CHRNA9: variants seen among roughly 807,000 people sequenced by gnomAD.
CHRNA9 encodes cholinergic receptor nicotinic alpha 9 subunit.
CHRNA9 carries 24 observed loss-of-function variants against 36.8 expected under a neutral mutation model. That is an observed-to-expected ratio of 0.65 (90% confidence interval 0.47 to 0.92). The LOEUF (loss-of-function observed/expected upper bound fraction) is 0.92, where lower values mean the gene tolerates loss of function less well. Among genes scored for constraint, CHRNA9 ranks in the 40% least tolerant of loss-of-function variants. The pLI, the probability that CHRNA9 is intolerant of heterozygous loss-of-function variation, is 0.00. For synonymous variants in CHRNA9, 231 were observed against 231.8 expected (o/e 1.00, Z 0.03); for missense variants, 610 against 601.2 (o/e 1.01, Z -0.15).
chr4:40,350,722 A>ACACACACACACACC (rs1215274776), intron 4 of CHRNA9, among the ~76,000 whole-genome samples: 17 of 151,478 alleles, frequency 1.1e-4, no homozygotes, highest in African/African-American at 2.9e-4. Context: ...ACACACACAC[A>ACACACACACACACC]CACACCTCTC....
intron 3 of CHRNA9, among the ~76,000 whole-genome samples, chr4:40,341,151 A>G (rs1451272280): frequency 1.3e-5 from 2 of 152,116 alleles, no homozygotes; most frequent in Non-Finnish European, 2.9e-5. Context: ...TAGTATTAGT[A>G]TATGGTTAGT....
chr4:40,349,443 C>T (rs756005064), intron 4 of CHRNA9, 29 bp downstream of exon 4: 2 of 1,593,776 alleles, frequency 1.3e-6, no homozygotes, highest in South Asian at 2.3e-5. Flanking sequence ...CACTTCAAGC[C>T]CAGCTTTGTA....
chr4:40,342,950 A>G (rs1209859348), intron 3 of CHRNA9, among the ~76,000 whole-genome samples: 1 of 152,080 alleles, frequency 6.6e-6, no homozygotes, highest in African/African-American at 2.4e-5. Flanking sequence ...CTTCTTTTTG[A>G]TATGGAAAGG....
intron 3 of CHRNA9, chr4:40,337,955 A>G (rs972714788): frequency 6.6e-6 from 1 of 152,344 alleles, no homozygotes; most frequent in Non-Finnish European, 1.5e-5. Context: ...GCGTGACTTC[A>G]TCTTAACCTA....
At chr4:40,341,299 G>A (rs1175685949) in intron 3 of CHRNA9, among the ~76,000 whole-genome samples, 1 of 124,626 alleles carries the variant, frequency 8.0e-6, no homozygotes, top group East Asian at 2.3e-4. Flanking sequence ...TTTTGGCGGG[G>A]GTGGTGGCGG....
At position 40,343,856 on chromosome 4, in the gene CHRNA9, A is replaced by G. The variant is rs568140702; in HGVS notation, c.366-5026A>G. 4.6e-5 allele frequency among the ~76,000 whole-genome samples: 7 copies of G among 152,340 alleles called. No individual in the cohort carries two copies. The East Asian group carries it at 7.7e-4, about 17-fold the overall frequency. On this transcript the variant is annotated intron_variant, in intron 3 of 4. Coordinates refer to ENST00000310169, the MANE Select transcript of CHRNA9 (RefSeq NM_017581.4). Reference sequence around the variant, plus strand: ...GGCTTTACAAAGTGTGATAGATAGAATAATGCCCCCCTTAAAGATGTCCAC... The same window carrying G: ...GGCTTTACAAAGTGTGATAGATAGAGTAATGCCCCCCTTAAAGATGTCCAC...
rs532277312 is a variant in CHRNA9 at position 40,353,882 on chromosome 4, T to A, written c.899-97T>A. ...AACAGCAAAATCACCTAATGACTAA[T>A]ACCTTTCTCAGAATGTATCCCTGTT... On this transcript the variant is annotated intron_variant, in intron 4 of 4. Coordinates refer to ENST00000310169, the MANE Select transcript of CHRNA9 (RefSeq NM_017581.4). The A allele has an allele frequency of 6.2e-6, 7 of 1,128,902 alleles. No homozygotes were observed. The Admixed American group carries it at 1.4e-4, about 22-fold the overall frequency. 69.9% of individuals were successfully genotyped at this position (1,128,902 alleles called of 1,614,324 possible). A position where few individuals can be genotyped will look rare whatever the true frequency, so the allele number is the denominator to read the frequency against.
chr4:40,348,618 A>G (rs1712701822), intron 3 of CHRNA9, among the ~76,000 whole-genome samples: 1 of 152,224 alleles, frequency 6.6e-6, no homozygotes, highest in African/African-American at 2.4e-5. Flanking sequence ...GGACCAAGAA[A>G]GTGACACTGG....
intron 3 of CHRNA9, among the ~76,000 whole-genome samples, chr4:40,343,329 A>ATGGC (rs1188516386): frequency 3.9e-5 from 6 of 152,336 alleles, no homozygotes; most frequent in Non-Finnish European, 8.8e-5. Context: ...CACAGTTCAC[A>ATGGC]TGGCTGGGGA....
At chr4:40,352,482 C>T (rs1712831536) in intron 4 of CHRNA9, among the ~76,000 whole-genome samples, 1 of 152,210 alleles carries the variant, frequency 6.6e-6, no homozygotes, top group Admixed American at 6.5e-5. Flanking sequence ...ACCTCGGCCT[C>T]CCAAAGTGCT....
chr4:40,354,622 T>C lies in CHRNA9; in HGVS notation c.*102T>C. 1 of 976,848 alleles carries C rather than the reference T, an allele frequency of 1.0e-6. No homozygotes were observed. 60.5% of individuals were successfully genotyped at this position (976,848 alleles called of 1,614,324 possible). ...TTTTGTTCATCTATAATTTAGGGGT[T>C]ATGTTGTCTGTGCTTTTTATTTTTA... is the stretch of plus-strand genomic sequence containing the variant. On this transcript the variant is annotated 3_prime_UTR_variant, in exon 5 of 5. Transcript: ENST00000310169.
chr4:40,344,486 A>T (rs1045369180), intron 3 of CHRNA9, among the ~76,000 whole-genome samples: 1 of 151,878 alleles, frequency 6.6e-6, no homozygotes, highest in African/African-American at 2.4e-5. Flanking sequence ...GTGAGCCAAG[A>T]TGGCACCACT....
intron 2 of CHRNA9, among the ~76,000 whole-genome samples, chr4:40,336,637 C>G (rs985823743): frequency 7.2e-6 from 1 of 139,630 alleles, no homozygotes; most frequent in Non-Finnish European, 1.5e-5. Flanking sequence ...CCACCACACC[C>G]GGCTAATTTT....
At chr4:40,335,559 C>CT (rs780343684) in intron 1 of CHRNA9, 28 bp downstream of exon 1, 1 of 1,547,048 alleles carries the variant, frequency 6.5e-7, no homozygotes, top group South Asian at 1.1e-5. Context: ...CGTAACCTAT[C>CT]TTGTCTCATC....
intron 3 of CHRNA9, among the ~76,000 whole-genome samples, chr4:40,340,935 G>A (rs1177266417): frequency 2.5e-5 from 3 of 121,184 alleles, no homozygotes; most frequent in Non-Finnish European, 4.9e-5. Flanking sequence ...GACAAAACCC[G>A]AGATAATCAG....
At chr4:40,343,562 C>G (rs556180825) in intron 3 of CHRNA9, among the ~76,000 whole-genome samples, 2 of 152,302 alleles carry the variant, frequency 1.3e-5, no homozygotes, top group East Asian at 1.9e-4. Flanking sequence ...AGCTACACTT[C>G]GAGATGAGAT....
intron 4 of CHRNA9, among the ~76,000 whole-genome samples, chr4:40,351,992 T>A (rs1008698772): frequency 6.6e-6 from 1 of 152,220 alleles, no homozygotes; most frequent in African/African-American, 2.4e-5. Context: ...AACTGGACAG[T>A]TTTCCCTCTT....
At chr4:40,337,099 T>G in intron 2 of CHRNA9, 111 bp from the exon 3 acceptor site, 3 of 931,094 alleles carry the variant, frequency 3.2e-6, no homozygotes, top group East Asian at 2.6e-5. Context: ...CTTTACTTAT[T>G]GAAATTTGAT....
chr4:40,337,143 G>C lies in CHRNA9; in HGVS notation c.211-67G>C, dbSNP rs971746359. ...GTGAAATTCCTATTGTGAAGAACAA[G>C]TGTCCTATCAGTGGAAAACATTTCA... On this transcript the variant is annotated intron_variant, in intron 2 of 4. Transcript: ENST00000310169. The C allele has an allele frequency of 1.2e-5, 17 of 1,426,566 alleles. No homozygotes were observed. In the African/African-American group the frequency reaches 1.7e-4, roughly 14 times the overall value. The allele number at this position is 1,426,566 out of a possible 1,614,324, so 88.4% of individuals were successfully genotyped here.
Sources: allele counts gnomAD v4.1 joint callset (sites outside exome capture counted in the v4.1 genomes callset), GRCh38; gene constraint gnomAD v4.1.1; transcripts MANE v1.5; gene names NCBI Gene and HGNC (gene_info 2026-07-23, HGNC 2026-07-21).